The following MACROD1 variants were observed in gnomAD, a reference collection of about 807,000 sequenced individuals.
MACROD1 encodes the protein mono-ADP ribosylhydrolase 1, also known as ADP-ribose glycohydrolase MACROD1.
MACROD1 carries 31 observed loss-of-function variants against 41.4 expected under a neutral mutation model. That is an observed-to-expected ratio of 0.75 (90% confidence interval 0.56 to 1.01). The LOEUF (loss-of-function observed/expected upper bound fraction) is 1.01, where lower values mean the gene tolerates loss of function less well. Ranked by LOEUF, MACROD1 falls within the 50% of genes least tolerant of loss-of-function variation. MACROD1 has a pLI of 0.00. For missense variants in MACROD1, 473 were observed against 460.0 expected, an observed-to-expected ratio of 1.03 and a Z score of -0.26; for synonymous variants, 252 against 203.4, an observed-to-expected ratio of 1.24 and a Z score of -2.03.
At chr11:64,009,562 A>C (rs1233375501) in intron 4 of MACROD1, among the ~76,000 whole-genome samples, 1 of 152,098 alleles carries the variant, frequency 6.6e-6, no homozygotes, top group African/African-American at 2.4e-5. Flanking sequence ...ACTCAGAGAG[A>C]GCTCCAGGGA....
rs528124602 is a variant in MACROD1 at position 64,099,034 on chromosome 11, C to A, written c.517+52205G>T. ...GCTGAGGGCCTGAGGATCGTTTCTA[C>A]TTCGGGAGGAAGCCCTGAGTGCCAA... On this transcript the variant is annotated intron_variant, in intron 3 of 10. Transcript: ENST00000255681. Among the ~76,000 whole-genome samples the A allele has an allele frequency of 3.3e-5, 5 of 152,350 alleles. No homozygotes were observed. In the South Asian group the frequency reaches 1.0e-3, roughly 32 times the overall value.
intron 3 of MACROD1, among the ~76,000 whole-genome samples, chr11:64,095,007 T>C (rs1944552697): frequency 6.6e-6 from 1 of 152,206 alleles, no homozygotes; most frequent in Admixed American, 6.5e-5. Flanking sequence ...AGCCTCGTTA[T>C]TAACAAAAGT....
In MACROD1 at chr11:64,138,643, G is replaced by C. The variant is rs560079836; in HGVS notation, c.517+12596C>G. The C allele has an allele frequency of 5.5e-6, 4 of 731,704 alleles. No individual in the cohort carries two copies. In the East Asian group the frequency reaches 5.2e-4, roughly 95 times the overall value. The allele number at this position is 731,704 out of a possible 1,614,324, so 45.3% of individuals were successfully genotyped here. A position where few individuals can be genotyped will look rare whatever the true frequency, so the allele number is the denominator to read the frequency against. On this transcript the variant is annotated intron_variant, in intron 3 of 10. Coordinates refer to ENST00000255681, the MANE Select transcript of MACROD1 (RefSeq NM_014067.4). ...TCTCTCCCCAACTGCGATGCCGCTC[G>C]GCTCTGGTTTTTACCGCAATTACAA...
intron 3 of MACROD1, among the ~76,000 whole-genome samples, chr11:64,065,098 C>T (rs978390448): frequency 8.5e-5 from 13 of 152,170 alleles, no homozygotes; most frequent in African/African-American, 1.2e-4. Flanking sequence ...TCGGCGGCCT[C>T]GGAGAGACTT....
chr11:64,066,213 C>T (rs1001248085), intron 3 of MACROD1, among the ~76,000 whole-genome samples: 3 of 144,062 alleles, frequency 2.1e-5, no homozygotes, highest in Admixed American at 7.4e-5. Context: ...AGGAGAATTG[C>T]GAGAACCTGG....
chr11:64,163,483 A>C (rs1945787893), intron 1 of MACROD1, among the ~76,000 whole-genome samples: 1 of 152,186 alleles, frequency 6.6e-6, no homozygotes, highest in Non-Finnish European at 1.5e-5. Context: ...CTGCAGCTCC[A>C]TCGGGGTCTC....
chr11:64,117,435 G>A lies in MACROD1; in HGVS notation c.517+33804C>T, dbSNP rs1160952835. ...GGGGCCGCAGGGCGGCGTGGCCAAT[G>A]CGGCTGCCAAGACCACGGCCAGCAA... On this transcript the variant is annotated intron_variant, in intron 3 of 10. Coordinates refer to ENST00000255681, the MANE Select transcript of MACROD1 (RefSeq NM_014067.4). The A allele has an allele frequency of 5.6e-6, 9 of 1,612,754 alleles. No individual in the cohort carries two copies. The Admixed American group carries it at 6.7e-5, about 12-fold the overall frequency.
At chr11:64,142,411 C>T (rs1321828915) in intron 3 of MACROD1, among the ~76,000 whole-genome samples, 1 of 152,150 alleles carries the variant, frequency 6.6e-6, no homozygotes, top group Non-Finnish European at 1.5e-5. Flanking sequence ...GGACAGAGAG[C>T]TACTGGGTCC....
intron 3 of MACROD1, among the ~76,000 whole-genome samples, chr11:64,028,907 CT>C (rs1381422429): frequency 1.3e-5 from 2 of 152,178 alleles, no homozygotes; most frequent in African/African-American, 2.4e-5. Flanking sequence ...TTCCCTGCCC[CT>C]GGAGCACCTA....
intron 3 of MACROD1, among the ~76,000 whole-genome samples, chr11:64,019,189 C>T (rs1055574935): frequency 2.6e-5 from 4 of 152,188 alleles, no homozygotes; most frequent in African/African-American, 9.7e-5. Flanking sequence ...CACTGCAGGC[C>T]GAGGTGGCCC....
intron 3 of MACROD1, among the ~76,000 whole-genome samples, chr11:64,028,542 G>A (rs1471869420): frequency 6.6e-6 from 1 of 152,064 alleles, no homozygotes; most frequent in Non-Finnish European, 1.5e-5. Flanking sequence ...TGCGAGGCCC[G>A]GCCTCAGCCC....
At chr11:64,023,295 C>T (rs1943181660) in intron 3 of MACROD1, among the ~76,000 whole-genome samples, 1 of 152,170 alleles carries the variant, frequency 6.6e-6, no homozygotes, top group South Asian at 2.1e-4. Flanking sequence ...CAGTCTTATG[C>T]TTTGCCAGCC....
intron 3 of MACROD1, chr11:64,117,404 T>C: frequency 6.2e-7 from 1 of 1,612,286 alleles, no homozygotes; most frequent in Middle Eastern, 1.7e-4. Context: ...ACGAGTGTTT[T>C]GAGACGGGGC....
At position 64,099,856 on chromosome 11, in the gene MACROD1, G is replaced by C. The variant is rs1222908053; in HGVS notation, c.517+51383C>G. Among the ~76,000 whole-genome samples the C allele has an allele frequency of 3.3e-5, 5 of 151,902 alleles. No homozygotes were observed. In the East Asian group the frequency reaches 9.6e-4, roughly 29 times the overall value. On this transcript the variant is annotated intron_variant, in intron 3 of 10. Transcript: ENST00000255681. The stretch of plus-strand genomic sequence containing the variant: ...GGATGGATGGATGGATGAATGAATA[G>C]AGAAATGGTGAGATGGAGGGATCGA...
chr11:64,087,451 C>G (rs183464404), intron 3 of MACROD1, among the ~76,000 whole-genome samples: 53 of 152,362 alleles, frequency 3.5e-4, no homozygotes, highest in Admixed American at 3.0e-3. Flanking sequence ...AAGCCAGGTT[C>G]TCTGGGAACC....
chr11:64,053,010 C>T (rs1943721819), intron 3 of MACROD1, among the ~76,000 whole-genome samples: 1 of 152,236 alleles, frequency 6.6e-6, no homozygotes, highest in Non-Finnish European at 1.5e-5. Flanking sequence ...CATTCGGTTG[C>T]TTACACCCCG....
At chr11:64,158,057 C>T (rs1273305275) in intron 1 of MACROD1, among the ~76,000 whole-genome samples, 2 of 152,180 alleles carry the variant, frequency 1.3e-5, no homozygotes, top group African/African-American at 2.4e-5. Flanking sequence ...AGAAGCCCCC[C>T]GACTCCCAGG....
intron 3 of MACROD1, among the ~76,000 whole-genome samples, chr11:64,023,218 G>A (rs1473323665): frequency 6.6e-6 from 1 of 152,002 alleles, no homozygotes; most frequent in Non-Finnish European, 1.5e-5. Context: ...CTTACAGATG[G>A]GGAAACTGAG....
At chr11:64,012,168 G>A (rs1407986847) in intron 4 of MACROD1, among the ~76,000 whole-genome samples, 1 of 152,114 alleles carries the variant, frequency 6.6e-6, no homozygotes, top group Non-Finnish European at 1.5e-5. Flanking sequence ...TGAGAGGCCT[G>A]TGCCAGCCGC....
Sources: allele counts gnomAD v4.1 joint callset (sites outside exome capture counted in the v4.1 genomes callset), GRCh38; gene constraint gnomAD v4.1.1; transcripts MANE v1.5; gene names NCBI Gene and HGNC (gene_info 2026-07-23, HGNC 2026-07-21).